SEMA6D: variants seen among roughly 807,000 people sequenced by gnomAD.
The protein encoded by SEMA6D is semaphorin 6D.
SEMA6D carries 35 observed loss-of-function variants against 106.6 expected under a neutral mutation model. The observed-to-expected ratio is 0.33, with a 90% CI of 0.25 to 0.44. SEMA6D has a LOEUF of 0.44. Among genes scored for constraint, SEMA6D ranks in the 20% least tolerant of loss-of-function variants. The pLI, the probability that SEMA6D is intolerant of heterozygous loss-of-function variation, is 1.00. For synonymous variants in SEMA6D, 499 were observed against 487.7 expected (o/e 1.02, Z -0.31); for missense variants, 1,185 against 1,345.9 (o/e 0.88, Z 1.87).
intron 1 of SEMA6D, among the ~76,000 whole-genome samples, chr15:47,375,900 A>G (rs1407205848): frequency 6.6e-6 from 1 of 152,228 alleles, no homozygotes; most frequent in African/African-American, 2.4e-5. Flanking sequence ...ATACATATAT[A>G]TGGAAAAAAG....
intron 1 of SEMA6D, among the ~76,000 whole-genome samples, chr15:47,321,243 T>C (rs2143671513): frequency 6.6e-6 from 1 of 152,356 alleles, no homozygotes; most frequent in African/African-American, 2.4e-5. Flanking sequence ...GTGTGGTCTC[T>C]GCCTTTCACT....
intron 4 of SEMA6D, among the ~76,000 whole-genome samples, chr15:47,652,426 C>A (rs977024374): frequency 2.6e-5 from 4 of 152,110 alleles, no homozygotes; most frequent in Admixed American, 1.3e-4. Flanking sequence ...ACTTTGAAGT[C>A]TGTGCTAGTC....
At chr15:47,635,120 C>A (rs1316825239) in intron 4 of SEMA6D, among the ~76,000 whole-genome samples, 2 of 152,134 alleles carry the variant, frequency 1.3e-5, no homozygotes, top group Admixed American at 6.5e-5. Flanking sequence ...CAAGTCCTGA[C>A]CTCCCTGTAA....
At chr15:47,754,810 A>G (rs539741056) in intron 1 of SEMA6D, among the ~76,000 whole-genome samples, 2 of 151,962 alleles carry the variant, frequency 1.3e-5, no homozygotes, top group East Asian at 3.9e-4. Context: ...GTTTCTTTCA[A>G]ACTTTTTGCT....
At chr15:47,645,333 A>G (rs1339779371) in intron 4 of SEMA6D, among the ~76,000 whole-genome samples, 1 of 152,124 alleles carries the variant, frequency 6.6e-6, no homozygotes, top group Non-Finnish European at 1.5e-5. Context: ...CGTTTAGGAA[A>G]CAATAAAACC....
chr15:47,365,437 G>A (rs180830934), intron 1 of SEMA6D, among the ~76,000 whole-genome samples: 10 of 152,282 alleles, frequency 6.6e-5, no homozygotes, highest in African/African-American at 2.2e-4. Context: ...TAGAAGGGCT[G>A]TGAATATCTC....
intron 2 of SEMA6D, among the ~76,000 whole-genome samples, chr15:47,452,181 A>T (rs1387572130): frequency 6.6e-6 from 1 of 152,050 alleles, no homozygotes; most frequent in African/African-American, 2.4e-5. Context: ...AAATTAAAAC[A>T]AAACAAAACT....
At chr15:47,733,598 C>T (rs561397230) in intron 1 of SEMA6D, among the ~76,000 whole-genome samples, 1 of 152,310 alleles carries the variant, frequency 6.6e-6, no homozygotes, top group Admixed American at 6.5e-5. Context: ...AACTGTGCAT[C>T]CTTGTGAGTC....
chr15:47,312,245 T>C (rs1219253705), intron 1 of SEMA6D, among the ~76,000 whole-genome samples: 1 of 152,034 alleles, frequency 6.6e-6, no homozygotes, highest in Non-Finnish European at 1.5e-5. Flanking sequence ...GTGTTTAGTC[T>C]CTTCCTGTCT....
At chr15:47,435,006 G>A (rs1243367425) in intron 2 of SEMA6D, among the ~76,000 whole-genome samples, 1 of 152,054 alleles carries the variant, frequency 6.6e-6, no homozygotes, top group Non-Finnish European at 1.5e-5. Flanking sequence ...GATAATAAAT[G>A]TTAAAAATAA....
At chr15:47,403,643 G>A (rs1171525688) in intron 1 of SEMA6D, among the ~76,000 whole-genome samples, 1 of 152,186 alleles carries the variant, frequency 6.6e-6, no homozygotes, top group African/African-American at 2.4e-5. Flanking sequence ...AACTGCACTC[G>A]AGTTTGTCTT....
chr15:47,625,620 A>T (rs778108316), intron 4 of SEMA6D, among the ~76,000 whole-genome samples: 31 of 151,990 alleles, frequency 2.0e-4, no homozygotes, highest in Non-Finnish European at 3.7e-4. Flanking sequence ...CTGTAGTCCC[A>T]GCTACTTGGG....
chr15:47,454,471 T>C (rs2054531798), intron 2 of SEMA6D, among the ~76,000 whole-genome samples: 1 of 151,918 alleles, frequency 6.6e-6, no homozygotes, highest in African/African-American at 2.4e-5. Context: ...GCATGGCATC[T>C]TGTGAAGACT....
chr15:47,686,943 G>T (rs2078482278), intron 4 of SEMA6D, among the ~76,000 whole-genome samples: 1 of 151,678 alleles, frequency 6.6e-6, no homozygotes, highest in African/African-American at 2.4e-5. Flanking sequence ...GCTTGTACCT[G>T]TAGTCCTAGC....
chr15:47,471,931 T>TCTCA (rs1555445502), intron 3 of SEMA6D, among the ~76,000 whole-genome samples: 1,281 of 121,426 alleles, frequency 0.011, 12 homozygotes, highest in East Asian at 0.032. Flanking sequence ...TCTCTCTCTC[T>TCTCA]CACACACACA....
intron 4 of SEMA6D, among the ~76,000 whole-genome samples, chr15:47,655,747 G>A (rs1299936752): frequency 6.6e-6 from 1 of 152,182 alleles, no homozygotes; most frequent in Non-Finnish European, 1.5e-5. Context: ...GTAAGCTGGG[G>A]ATGCTAAAAT....
Position 47,758,827 on chromosome 15 carries a change from T to A in SEMA6D, c.-54-918T>A, listed in dbSNP as rs576305102. On this transcript the variant is annotated intron_variant, in intron 1 of 18. Coordinates refer to ENST00000536845, the MANE Select transcript of SEMA6D (RefSeq NM_001358351.3). ...AGAGCCTGGACAGGGACCCAGATTA[T>A]GTGAGTCTGGACTCCAATCTTGCCT... Among the ~76,000 whole-genome samples, 3 of 152,340 alleles carry A rather than the reference T, an allele frequency of 2.0e-5. No individual in the cohort carries two copies. The South Asian group carries it at 6.2e-4, about 32-fold the overall frequency.
At chr15:47,590,577 G>A (rs976652029) in intron 3 of SEMA6D, among the ~76,000 whole-genome samples, 2 of 152,024 alleles carry the variant, frequency 1.3e-5, no homozygotes, top group Admixed American at 6.6e-5. Flanking sequence ...AAAAGAAACA[G>A]GGTCTCTGTA....
At chr15:47,261,667 G>A (rs1015203957) in intron 1 of SEMA6D, among the ~76,000 whole-genome samples, 3 of 151,894 alleles carry the variant, frequency 2.0e-5, no homozygotes, top group African/African-American at 7.3e-5. Context: ...ATCACCTATT[G>A]ACCTCCTTAT....
Sources: allele counts gnomAD v4.1 joint callset (sites outside exome capture counted in the v4.1 genomes callset), GRCh38; gene constraint gnomAD v4.1.1; transcripts MANE v1.5; gene names NCBI Gene and HGNC (gene_info 2026-07-23, HGNC 2026-07-21).